Variants in MRPS33 observed in about 807,000 individuals in gnomAD.
The protein encoded by MRPS33 is mitochondrial ribosomal protein S33.
In MRPS33, 11 loss-of-function variants were observed where a neutral mutation model predicts 11.2. The observed-to-expected ratio is 0.99, with a 90% CI of 0.62 to 1.63. The LOEUF is 1.63. MRPS33 is among the 40% of genes most tolerant of loss of function. The probability of loss-of-function intolerance (pLI) is 0.00; values close to 1 mark genes in which losing one functional copy is unlikely to be tolerated. For missense variants in MRPS33, 109 were observed against 127.8 expected, an observed-to-expected ratio of 0.85 and a Z score of 0.71; for synonymous variants, 46 against 44.0, an observed-to-expected ratio of 1.05 and a Z score of -0.18.
chr7:141,011,641 T>G (rs1820676027), intron 1 of MRPS33, among the ~76,000 whole-genome samples: 1 of 152,100 alleles, frequency 6.6e-6, no homozygotes, highest in Non-Finnish European at 1.5e-5. Context: ...GAATCTTTGC[T>G]GACTCAGAGA....
chr7:141,011,164 C>G (rs1262862352), intron 1 of MRPS33, among the ~76,000 whole-genome samples: 1 of 152,184 alleles, frequency 6.6e-6, no homozygotes, highest in African/African-American at 2.4e-5. Flanking sequence ...CCAGAAGGCT[C>G]TGAGAGCTGC....
At chr7:141,006,898 A>G (rs752656698) in intron 2 of MRPS33, among the ~76,000 whole-genome samples, 4 of 152,206 alleles carry the variant, frequency 2.6e-5, no homozygotes, top group Non-Finnish European at 5.9e-5. Flanking sequence ...ATCTGCTTCA[A>G]TAGCTACACA....
intron 2 of MRPS33, 84 bp downstream of exon 2, chr7:141,010,335 C>A (rs1820643552): frequency 2.2e-6 from 3 of 1,350,376 alleles, no homozygotes; most frequent in African/African-American, 1.5e-5. Context: ...AACAAAACTA[C>A]AAGGATAGAA....
In MRPS33 at chr7:141,004,019, G is replaced by A. The variant is rs1305410707; in HGVS notation, c.*2411C>T. ...GGTGCTCAGTAAAAAGTTCTAAATG[G>A]GCTGGGTGTGGTGGCTCATGCCTGT... is the stretch of plus-strand genomic sequence containing the variant. On this transcript the variant is annotated 3_prime_UTR_variant, in exon 3 of 3. Transcript: ENST00000324787. 1 of 152,300 alleles carries A rather than the reference G, an allele frequency of 6.6e-6. No individual in the cohort carries two copies. Among genetic ancestry groups the A allele is most frequent in the Non-Finnish European group, 1.5e-5 (1 of 68,118 alleles). The allele number at this position is 152,300 out of a possible 1,614,324, so 9.4% of individuals were successfully genotyped here.
At chr7:141,014,358 T>A (rs1045713913) in intron 1 of MRPS33, 1 of 152,160 alleles carries the variant, frequency 6.6e-6, no homozygotes, top group African/African-American at 2.4e-5. Flanking sequence ...GTACCGATTA[T>A]TTTACGGAGT....
chr7:141,008,542 G>A (rs1290233112), intron 2 of MRPS33, among the ~76,000 whole-genome samples: 2 of 152,134 alleles, frequency 1.3e-5, no homozygotes, highest in Non-Finnish European at 2.9e-5. Flanking sequence ...GCCTGCACGT[G>A]GAAGGTACGT....
rs38735 is a variant in MRPS33, at chr7:141,008,863, C to T, written c.215+1556G>A. On this transcript the variant is annotated intron_variant, in intron 2 of 2. Transcript: ENST00000324787. Reference sequence around the variant, plus strand: ...TTGCTGGAGTGCAGTGGCACGATCTCGGCTCACTGTAACCTCTTCCTCCTG... The same window carrying T: ...TTGCTGGAGTGCAGTGGCACGATCTTGGCTCACTGTAACCTCTTCCTCCTG... Among the ~76,000 whole-genome samples the T allele has an allele frequency of 5.7e-3, 854 of 149,884 alleles. 3 individuals are homozygous for T. Among genetic ancestry groups the T allele is most frequent in the Non-Finnish European group, 9.5e-3 (647 of 67,786 alleles).
At chr7:141,010,246 TCTCTCCATTATGGGTA>T in intron 2 of MRPS33, 157 bp downstream of exon 2, 1 of 594,150 alleles carries the variant, frequency 1.7e-6, no homozygotes, top group Non-Finnish European at 2.9e-6. Flanking sequence ...TTTTTTTTGG[TCTCTCCATTATGGGTA>T]TTTTGAAAGA....
Position 141,010,540 on chromosome 7 carries a change from T to G in MRPS33, c.94A>C (p.Lys32Gln). Reference protein sequence around the residue: ...VTRPTNSKSMKVVKLFSELPL... With the variant: ...VTRPTNSKSMQVVKLFSELPL... The stretch of plus-strand genomic sequence containing the variant: ...AGTTCACTAAACAGTTTCACCACTT[T>G]CATAGACTTGGAATTAGTAGGCCTG... The change falls in exon 2 of 3, where the codon AAA becomes CAA. Residue 32 changes from lysine (K) to glutamine (Q), a missense_variant. Coordinates refer to ENST00000324787, the MANE Select transcript of MRPS33 (RefSeq NM_053035.3). 1 of 1,614,192 alleles carries G rather than the reference T, an allele frequency of 6.2e-7. No individual in the cohort carries two copies. The highest frequency in any genetic ancestry group is 8.5e-7 in the Non-Finnish European group (1 of 1,180,028).
At chr7:141,006,769 A>G (rs180802237) in intron 2 of MRPS33, among the ~76,000 whole-genome samples, 2 of 152,326 alleles carry the variant, frequency 1.3e-5, no homozygotes, top group Non-Finnish European at 2.9e-5. Flanking sequence ...CACTGCCACA[A>G]GCTGCAGGGA....
rs1820456866 is a variant in MRPS33, at chr7:141,003,619, T to C, written c.*2811A>G. On this transcript the variant is annotated 3_prime_UTR_variant, in exon 3 of 3. Coordinates refer to ENST00000324787, the MANE Select transcript of MRPS33 (RefSeq NM_053035.3). The stretch of plus-strand genomic sequence containing the variant: ...GCAAACCAATACATCGATTCTTTAC[T>C]TGTTTTCCGACTCAGGTCTGCTGTT... The C allele has an allele frequency of 6.6e-6, 1 of 152,250 alleles. No homozygotes were observed. The allele number at this position is 152,250 out of a possible 1,614,324, so 9.4% of individuals were successfully genotyped here. A position where few individuals can be genotyped will look rare whatever the true frequency, so the allele number is the denominator to read the frequency against.
rs148672525 is a variant in MRPS33, at chr7:141,010,506, G to A, written c.128C>T (p.Ala43Val). 5.6e-6 allele frequency: 9 copies of A among 1,613,992 alleles called. No homozygotes were observed. Among genetic ancestry groups the A allele is most frequent in the Non-Finnish European group, 5.9e-6 (7 of 1,180,042 alleles). ...VVKLFSELPL[A>V]KKKETYDWYP... ...CCAATCATAAGTCTCCTTCTTCTTG[G>A]CCAAGGGCAGTTCACTAAACAGTTT... Residue 43 changes from alanine to valine, a missense_variant, in exon 2 of 3, where the codon GCC becomes GTC. Transcript: ENST00000324787.
chr7:141,003,374 C>G lies in MRPS33; in HGVS notation c.*3056G>C, dbSNP rs1421798918. 1 of 152,232 alleles carries G rather than the reference C, an allele frequency of 6.6e-6. No individual in the cohort carries two copies. The highest frequency in any genetic ancestry group is 1.5e-5 in the Non-Finnish European group (1 of 68,050). The allele number at this position is 152,232 out of a possible 1,614,324, so 9.4% of individuals were successfully genotyped here. A position where few individuals can be genotyped will look rare whatever the true frequency, so the allele number is the denominator to read the frequency against. On this transcript the variant is annotated 3_prime_UTR_variant, in exon 3 of 3. Transcript: ENST00000324787. ...CTTCTATTGATACCTTCCAGCTGGTCCATCGTACTTCTGTACAGGCTGTTT... is the reference window on the plus strand; with the variant it reads ...CTTCTATTGATACCTTCCAGCTGGTGCATCGTACTTCTGTACAGGCTGTTT...
At chr7:141,012,813 T>A (rs1419554099) in intron 1 of MRPS33, among the ~76,000 whole-genome samples, 1 of 152,192 alleles carries the variant, frequency 6.6e-6, no homozygotes, top group Non-Finnish European at 1.5e-5. Context: ...GCAACAGGGA[T>A]TCCTGAGGCC....
Position 141,005,434 on chromosome 7 carries a change from A to G in MRPS33, c.*996T>C, listed in dbSNP as rs909997832. The G allele has an allele frequency of 1.3e-5, 2 of 152,124 alleles. No individual in the cohort carries two copies. Among genetic ancestry groups the G allele is most frequent in the African/African-American group, 4.8e-5 (2 of 41,372 alleles). 9.4% of individuals were successfully genotyped at this position (152,124 alleles called of 1,614,324 possible). ...AGTGGCGTGATCTCAACTCACTGCAACCTTTGCCTCCCGGGTTCAAGCGAT... is the reference window on the plus strand; with the variant it reads ...AGTGGCGTGATCTCAACTCACTGCAGCCTTTGCCTCCCGGGTTCAAGCGAT... On this transcript the variant is annotated 3_prime_UTR_variant, in exon 3 of 3. Coordinates refer to ENST00000324787, the MANE Select transcript of MRPS33 (RefSeq NM_053035.3).
chr7:141,007,373 T>C (rs1437807580), intron 2 of MRPS33, among the ~76,000 whole-genome samples: 1 of 152,176 alleles, frequency 6.6e-6, no homozygotes, highest in Non-Finnish European at 1.5e-5. Flanking sequence ...TGTGCTGAGC[T>C]TAAGTTTTAA....
rs1473856743 is a variant in MRPS33, at chr7:141,006,431, T to C, written c.320A>G (p.Ter107TrpextTer34). ...AGTCTCCCTCTTGAGGGACCAACAC[T>C]ATTTCCTTTTTGCTGCTCTTTTCCC... ...GEGKRAAKRK[*>W] The change falls in exon 3 of 3, where the codon TAG becomes TGG. Residue 107 changes from the stop codon to tryptophan, a stop_lost. Transcript: ENST00000324787. 6.2e-7 allele frequency: 1 copy of C among 1,612,126 alleles called. No individual in the cohort carries two copies. The highest frequency in any genetic ancestry group is 1.3e-5 in the African/African-American group (1 of 74,892).
At chr7:141,011,101 T>A (rs1005261258) in intron 1 of MRPS33, among the ~76,000 whole-genome samples, 1 of 152,298 alleles carries the variant, frequency 6.6e-6, no homozygotes, top group Middle Eastern at 3.4e-3. Context: ...GGCAGAGACA[T>A]AATTATGTTG....
Position 141,003,985 on chromosome 7 carries a change from C to A in MRPS33, c.*2445G>T, listed in dbSNP as rs1251444694. 1 of 152,268 alleles carries A rather than the reference C, an allele frequency of 6.6e-6. No homozygotes were observed. Among genetic ancestry groups the A allele is most frequent in the African/African-American group, 2.4e-5 (1 of 41,468 alleles). 9.4% of individuals were successfully genotyped at this position (152,268 alleles called of 1,614,324 possible). A position where few individuals can be genotyped will look rare whatever the true frequency, so the allele number is the denominator to read the frequency against. The stretch of plus-strand genomic sequence containing the variant: ...TCCTCTACAACTATCACGTGTCGAG[C>A]ACATGGCAGGTGCTCAGTAAAAAGT... On this transcript the variant is annotated 3_prime_UTR_variant, in exon 3 of 3. Transcript: ENST00000324787.
Sources: allele counts gnomAD v4.1 joint callset (sites outside exome capture counted in the v4.1 genomes callset), GRCh38; gene constraint gnomAD v4.1.1; transcripts MANE v1.5; gene names NCBI Gene and HGNC (gene_info 2026-07-23, HGNC 2026-07-21).